The following DOCK3 variants were observed in gnomAD, a reference collection of about 807,000 sequenced individuals.
The protein encoded by DOCK3 is dedicator of cytokinesis protein 3.
DOCK3 carries 60 observed loss-of-function variants against 265.6 expected under a neutral mutation model. The ratio of observed to expected loss-of-function variants is 0.23; its 90% CI spans 0.18 to 0.28. The LOEUF (loss-of-function observed/expected upper bound fraction) is 0.28, where lower values mean the gene tolerates loss of function less well. DOCK3 is among the 10% of genes least tolerant of loss of function. The probability of loss-of-function intolerance (pLI) is 1.00; values close to 1 mark genes in which losing one functional copy is unlikely to be tolerated. For missense variants in DOCK3, 1,981 were observed against 2,594.3 expected (o/e 0.76, Z 5.14); for synonymous variants, 881 against 938.0 (o/e 0.94, Z 1.11).
At chr3:51,277,985 T>C (rs2080905911) in intron 26 of DOCK3, 1 of 985,320 alleles carries the variant, frequency 1.0e-6, no homozygotes, top group Non-Finnish European at 1.2e-6. Flanking sequence ...GAATGTTTCT[T>C]GTCCTGTTTT....
At chr3:50,869,044 G>A (rs139308998) in intron 3 of DOCK3, among the ~76,000 whole-genome samples, 11,442 of 145,462 alleles carry the variant, frequency 0.079, 1,032 homozygotes, top group East Asian at 0.33. Context: ...GCTTGATCTC[G>A]GCTCACTGCA....
At chr3:50,803,498 T>C (rs2043180891) in intron 2 of DOCK3, among the ~76,000 whole-genome samples, 1 of 152,226 alleles carries the variant, frequency 6.6e-6, no homozygotes, top group East Asian at 1.9e-4. Flanking sequence ...AGCAACAATC[T>C]GATTTCTCTT....
intron 5 of DOCK3, among the ~76,000 whole-genome samples, chr3:50,979,102 T>G (rs902557987): frequency 3.0e-4 from 45 of 152,094 alleles, no homozygotes; most frequent in Non-Finnish European, 6.0e-4. Context: ...AAATCACCCG[T>G]CTTCTGCGCC....
intron 4 of DOCK3, among the ~76,000 whole-genome samples, chr3:50,902,745 G>C (rs2049266652): frequency 6.6e-6 from 1 of 152,168 alleles, no homozygotes; most frequent in South Asian, 2.1e-4. Context: ...GAATAGAACT[G>C]AATCTATAAA....
chr3:51,263,240 A>G (rs2079958213), intron 23 of DOCK3, among the ~76,000 whole-genome samples: 1 of 152,178 alleles, frequency 6.6e-6, no homozygotes, highest in African/African-American at 2.4e-5. Context: ...AACCCTACAA[A>G]CCAGAAGAGA....
intron 27 of DOCK3, among the ~76,000 whole-genome samples, chr3:51,297,448 G>A (rs2082151107): frequency 6.6e-6 from 1 of 152,118 alleles, no homozygotes. Flanking sequence ...TAAACACCTT[G>A]TGGTCTAGAA....
At chr3:51,070,926 A>G (rs1237570866) in intron 6 of DOCK3, among the ~76,000 whole-genome samples, 1 of 152,158 alleles carries the variant, frequency 6.6e-6, no homozygotes, top group African/African-American at 2.4e-5. Flanking sequence ...GAGGTGGAAC[A>G]GTTTCATCCT....
chr3:51,372,633 C>G (rs10510757), intron 49 of DOCK3, among the ~76,000 whole-genome samples: 10,655 of 152,206 alleles, frequency 0.07, 928 homozygotes, highest in East Asian at 0.34. Context: ...AGACAGTATA[C>G]CAGGTTCCAA....
At chr3:51,017,237 A>G (rs2108844065) in intron 5 of DOCK3, among the ~76,000 whole-genome samples, 1 of 150,564 alleles carries the variant, frequency 6.6e-6, no homozygotes, top group South Asian at 2.1e-4. Flanking sequence ...CTCCTTTTTC[A>G]TCTCTGATTT....
At chr3:51,309,636 CGAGAGCGAG>C (rs2082946739) in intron 27 of DOCK3, among the ~76,000 whole-genome samples, 2 of 145,714 alleles carry the variant, frequency 1.4e-5, no homozygotes. Flanking sequence ...AGAGCGAGAG[CGAGAGCGAG>C]AGCGAGAGCT....
chr3:51,104,838 G>T (rs531860406), intron 9 of DOCK3, among the ~76,000 whole-genome samples: 9 of 152,172 alleles, frequency 5.9e-5, no homozygotes, highest in Admixed American at 5.2e-4. Flanking sequence ...TCCCAGGCTG[G>T]AGTGAAGTGG....
At chr3:51,313,330 T>C (rs1393610375) in intron 31 of DOCK3, among the ~76,000 whole-genome samples, 4 of 152,146 alleles carry the variant, frequency 2.6e-5, no homozygotes, top group African/African-American at 9.7e-5. Context: ...ATTGAAACAT[T>C]TATTGGATCT....
intron 12 of DOCK3, among the ~76,000 whole-genome samples, chr3:51,164,364 T>TCCCAAAGTGGGTG (rs1326366415): frequency 6.6e-6 from 1 of 152,146 alleles, no homozygotes; most frequent in African/African-American, 2.4e-5. Context: ...GGCTCACGCC[T>TCCCAAAGTGGGTG]GTAATCCCAG....
intron 9 of DOCK3, among the ~76,000 whole-genome samples, chr3:51,128,014 G>A (rs1051289925): frequency 6.6e-6 from 1 of 152,186 alleles, no homozygotes; most frequent in African/African-American, 2.4e-5. Context: ...AACCAACACT[G>A]TAACTCCCTT....
At chr3:50,827,331 A>T (rs2044823623) in intron 2 of DOCK3, among the ~76,000 whole-genome samples, 1 of 152,222 alleles carries the variant, frequency 6.6e-6, no homozygotes, top group Non-Finnish European at 1.5e-5. Context: ...GTGCAAGAAC[A>T]AGGTGCCAAA....
intron 4 of DOCK3, among the ~76,000 whole-genome samples, chr3:50,929,203 CCT>C (rs1337082083): frequency 6.6e-6 from 1 of 152,030 alleles, no homozygotes; most frequent in Non-Finnish European, 1.5e-5. Context: ...TATTTTGTTT[CCT>C]CTCTCTGTTT....
chr3:50,891,160 C>CAG (rs2048621850), intron 4 of DOCK3, among the ~76,000 whole-genome samples: 1 of 152,080 alleles, frequency 6.6e-6, no homozygotes, highest in African/African-American at 2.4e-5. Flanking sequence ...GCAGGAAACA[C>CAG]ACCTCTTCAC....
At chr3:51,123,699 A>T (rs920277247) in intron 9 of DOCK3, among the ~76,000 whole-genome samples, 1 of 152,152 alleles carries the variant, frequency 6.6e-6, no homozygotes, top group African/African-American at 2.4e-5. Context: ...TCAGCACCCA[A>T]GGTTTATTGG....
In DOCK3 at chr3:51,204,513, A is replaced by G. The variant is rs1391951522; in HGVS notation, c.1038-4261A>G. On this transcript the variant is annotated intron_variant, in intron 12 of 52. Coordinates refer to ENST00000266037, the MANE Select transcript of DOCK3 (RefSeq NM_004947.5). ...ATGGCAATCATTAAAAAGTCAGGAAACAACAGGTGCTGGAGAGGATGTGGA... is the reference window on the plus strand; with the variant it reads ...ATGGCAATCATTAAAAAGTCAGGAAGCAACAGGTGCTGGAGAGGATGTGGA... Among the ~76,000 whole-genome samples, 10 of 147,042 alleles carry G rather than the reference A, an allele frequency of 6.8e-5. No homozygotes were observed. The South Asian group carries it at 1.1e-3, about 16-fold the overall frequency.
Sources: gnomAD v4.1 joint callset for allele counts (sites outside exome capture counted in the v4.1 genomes callset) on GRCh38, gnomAD v4.1.1 for gene constraint, MANE v1.5 for transcripts, NCBI Gene and HGNC (gene_info 2026-07-23, HGNC 2026-07-21) for gene names.